TLR5: variants seen among roughly 807,000 people sequenced by gnomAD.
TLR5 encodes the protein toll like receptor 5.
For missense variants in TLR5, 944 were observed against 999.8 expected (o/e 0.94, Z 0.75); for synonymous variants, 373 against 384.4 (o/e 0.97, Z 0.35).
At chr1:223,115,408 C>A (rs1166647861) in intron 5 of TLR5, among the ~76,000 whole-genome samples, 1 of 152,184 alleles carries the variant, frequency 6.6e-6, no homozygotes, top group African/African-American at 2.4e-5. Context: ...TGCCAGCACG[C>A]CCAGCTAATT....
In TLR5 at chr1:223,112,724, C is replaced by G. The variant is rs1436338021; in HGVS notation, c.308G>C (p.Gly103Ala). The G allele has an allele frequency of 1.9e-6, 3 of 1,614,096 alleles. No homozygotes were observed. Among genetic ancestry groups the G allele is most frequent in the African/African-American group, 2.7e-5 (2 of 74,926 alleles). Residue 103 changes from glycine (G) to alanine (A), a missense_variant, in exon 6 of 6, where the codon GGA becomes GCA. Coordinates refer to ENST00000642603, the MANE Select transcript of TLR5 (RefSeq NM_003268.6). ...NLPNLRILDL[G>A]SSKIYFLHPD... ...ATGCAAGAAGTATATCTTACTACTTCCCAGGTCCAAGATTCTAAGGTTGGG... is the reference window on the plus strand; with the variant it reads ...ATGCAAGAAGTATATCTTACTACTTGCCAGGTCCAAGATTCTAAGGTTGGG...
chr1:223,127,228 G>A (rs1450353164), intron 5 of TLR5: 1 of 152,356 alleles, frequency 6.6e-6, no homozygotes, highest in Non-Finnish European at 1.5e-5. Flanking sequence ...GCTGGCTGTG[G>A]TCAGGTGGAA....
intron 5 of TLR5, among the ~76,000 whole-genome samples, chr1:223,114,512 T>C (rs563477359): frequency 6.6e-6 from 1 of 152,150 alleles, no homozygotes; most frequent in Non-Finnish European, 1.5e-5. Context: ...ATGAATCCCA[T>C]GAGACACCAT....
intron 5 of TLR5, chr1:223,129,368 C>T (rs1425827678): frequency 6.6e-6 from 1 of 152,484 alleles, no homozygotes; most frequent in Non-Finnish European, 1.5e-5. Context: ...CGGTTCACCA[C>T]GTTGCTCTTG....
chr1:223,113,144 C>T (rs1656456484), intron 5 of TLR5, 109 bp from the exon 6 acceptor site: 1 of 1,036,964 alleles, frequency 9.6e-7, no homozygotes, highest in South Asian at 1.4e-5. Context: ...TCCCTTTGAC[C>T]CCTTCATTCC....
At chr1:223,117,889 T>C (rs924557838) in intron 5 of TLR5, among the ~76,000 whole-genome samples, 3 of 152,266 alleles carry the variant, frequency 2.0e-5, no homozygotes, top group African/African-American at 4.8e-5. Flanking sequence ...GAGCTAAATA[T>C]GAGTGCCACA....
In TLR5 at chr1:223,113,526, CACTT is replaced by C. The variant is rs547189217; in HGVS notation, c.-4-495_-4-492del. Among the ~76,000 whole-genome samples the C allele has an allele frequency of 2.7e-3, 409 of 152,280 alleles. 3 individuals are homozygous for C. Among genetic ancestry groups the C allele is most frequent in the African/African-American group, 9.3e-3 (385 of 41,556 alleles). ...TGGCCTATTCTTGCTCTCTATCAAA[CACTT>C]ACGTTGAATTTTCTGTATACTAGGC... On this transcript the variant is annotated intron_variant, in intron 5 of 5. Coordinates refer to ENST00000642603, the MANE Select transcript of TLR5 (RefSeq NM_003268.6).
intron 5 of TLR5, among the ~76,000 whole-genome samples, chr1:223,116,958 G>A (rs1024612671): frequency 2.6e-5 from 4 of 152,302 alleles, no homozygotes; most frequent in Non-Finnish European, 4.4e-5. Context: ...CACCCCATGC[G>A]CCTGTGCTCT....
At chr1:223,142,069 A>G (rs1657897005) in intron 1 of TLR5, among the ~76,000 whole-genome samples, 1 of 152,046 alleles carries the variant, frequency 6.6e-6, no homozygotes, top group Non-Finnish European at 1.5e-5. Context: ...CACAAGAACA[A>G]GGGTGAACTG....
At chr1:223,113,168 A>G in intron 5 of TLR5, 133 bp from the exon 6 acceptor site, 1 of 868,894 alleles carries the variant, frequency 1.2e-6, no homozygotes, top group South Asian at 1.4e-5. Context: ...GACTCCACAG[A>G]CGTGGCTGTT....
intron 5 of TLR5, among the ~76,000 whole-genome samples, chr1:223,122,543 C>A (rs1417189739): frequency 6.6e-6 from 1 of 152,090 alleles, no homozygotes; most frequent in African/African-American, 2.4e-5. Context: ...AATGGAAAGA[C>A]CATATTTGTA....
chr1:223,139,901 G>A (rs527467011), intron 2 of TLR5, among the ~76,000 whole-genome samples: 1 of 152,274 alleles, frequency 6.6e-6, no homozygotes, highest in Non-Finnish European at 1.5e-5. Flanking sequence ...TACCTATAAG[G>A]GCTTGAATTT....
At chr1:223,132,702 C>G (rs1409928704) in intron 4 of TLR5, 63 bp from the exon 5 acceptor site, 1 of 152,434 alleles carries the variant, frequency 6.6e-6, no homozygotes, top group East Asian at 1.9e-4. Flanking sequence ...AGATATTTTT[C>G]TATGCCATAC....
chr1:223,130,522 G>C (rs1472251468), intron 5 of TLR5, among the ~76,000 whole-genome samples: 1 of 152,170 alleles, frequency 6.6e-6, no homozygotes. Flanking sequence ...GGGTTCCTTG[G>C]ATGGGCCGGT....
At chr1:223,126,952 C>G (rs1344323832) in intron 5 of TLR5, 1 of 152,210 alleles carries the variant, frequency 6.6e-6, no homozygotes, top group African/African-American at 2.4e-5. Flanking sequence ...TTAATCCCAG[C>G]CATTAGCTGG....
At chr1:223,120,614 T>C (rs1253207016) in intron 5 of TLR5, among the ~76,000 whole-genome samples, 1 of 152,264 alleles carries the variant, frequency 6.6e-6, no homozygotes, top group Non-Finnish European at 1.5e-5. Flanking sequence ...AGTTTGACTT[T>C]TTTTTATTGA....
chr1:223,142,040 C>G (rs547806546), intron 1 of TLR5, among the ~76,000 whole-genome samples: 214 of 152,114 alleles, frequency 1.4e-3, no homozygotes, highest in Non-Finnish European at 2.6e-3. Flanking sequence ...GCATGGCACA[C>G]TGGGAATTGT....
intron 5 of TLR5, among the ~76,000 whole-genome samples, chr1:223,132,032 A>T (rs1169649298): frequency 6.6e-6 from 1 of 152,120 alleles, no homozygotes; most frequent in East Asian, 1.9e-4. Context: ...TACCTGGCAC[A>T]ACTTAAGTAC....
rs1656331751 is a variant in TLR5, at chr1:223,111,436, G to C, written c.1596C>G (p.Ser532Arg). The change falls in exon 6 of 6, where the codon AGC (serine) becomes AGG (arginine). Residue 532 changes from serine to arginine, a missense_variant. Coordinates refer to ENST00000642603, the MANE Select transcript of TLR5 (RefSeq NM_003268.6). ...FSHLTALRGL[S>R]LNSNRLTVLS... ...GAACTGTCAGCCTGTTGGAGTTGAG[G>C]CTTAGTCCCCTTAATGCAGTCAGAT... 3 of 1,614,156 alleles carry C rather than the reference G, an allele frequency of 1.9e-6. No homozygotes were observed. Among genetic ancestry groups the C allele is most frequent in the Non-Finnish European group, 2.5e-6 (3 of 1,180,030 alleles).
Sources: allele counts gnomAD v4.1 joint callset (sites outside exome capture counted in the v4.1 genomes callset), GRCh38; gene constraint gnomAD v4.1.1; transcripts MANE v1.5; gene names NCBI Gene and HGNC (gene_info 2026-07-23, HGNC 2026-07-21).